Variants in NAA15 observed in about 807,000 individuals in gnomAD.
NAA15 encodes the protein N-alpha-acetyltransferase 15, NatA auxiliary subunit.
In NAA15, 34 loss-of-function variants were observed where a neutral mutation model predicts 114.0. That is an observed-to-expected ratio of 0.30 (90% CI 0.23 to 0.40). The LOEUF (loss-of-function observed/expected upper bound fraction) is 0.40. Among genes scored for constraint, NAA15 ranks in the 10% least tolerant of loss-of-function variants. NAA15 has a pLI of 1.00. For synonymous variants in NAA15, 340 were observed against 338.0 expected (o/e 1.01, Z -0.06); for missense variants, 658 against 1,004.5 (o/e 0.66, Z 4.66).
At chr4:139,334,337 A>C (rs1291660267) in intron 2 of NAA15, 79 bp downstream of exon 2, 5 of 913,504 alleles carry the variant, frequency 5.5e-6, no homozygotes, top group Non-Finnish European at 8.2e-6. Context: ...AGCTGCCTTA[A>C]CTGTTTTCCA....
intron 6 of NAA15, among the ~76,000 whole-genome samples, chr4:139,345,638 A>C (rs1747553733): frequency 6.6e-6 from 1 of 152,286 alleles, no homozygotes; most frequent in African/African-American, 2.4e-5. Context: ...AAAGAGACTG[A>C]GGCCGGGCGC....
chr4:139,338,528 A>C (rs1747274811), intron 3 of NAA15, among the ~76,000 whole-genome samples: 1 of 151,994 alleles, frequency 6.6e-6, no homozygotes, highest in Non-Finnish European at 1.5e-5. Flanking sequence ...GCTCACTGCA[A>C]CCTCTGCCTC....
At chr4:139,358,392 C>T (rs1227879088) in intron 11 of NAA15, among the ~76,000 whole-genome samples, 6 of 151,968 alleles carry the variant, frequency 3.9e-5, no homozygotes, top group Middle Eastern at 3.4e-3. Context: ...GATGGAGTTT[C>T]GCCATGTTGG....
chr4:139,341,135 C>A, intron 4 of NAA15, 66 bp downstream of exon 4: 2 of 1,112,026 alleles, frequency 1.8e-6, no homozygotes, highest in Non-Finnish European at 2.4e-6. Context: ...TGAGTACTTT[C>A]AGATACATAA....
intron 1 of NAA15, among the ~76,000 whole-genome samples, chr4:139,317,101 TCA>T: frequency 6.6e-6 from 1 of 151,998 alleles, no homozygotes; most frequent in East Asian, 1.9e-4. Flanking sequence ...TGGTAAATCC[TCA>T]GTCATATTAC....
Position 139,301,619 on chromosome 4 carries a change from G to A in NAA15, c.-159G>A. ...GAAAAAAGACAACGAGGAAAAAGGA[G>A]GTGTCCGGGTAGGGCAACGCGGCGA... On this transcript the variant is annotated 5_prime_UTR_variant, in exon 1 of 20. Coordinates refer to ENST00000296543, the MANE Select transcript of NAA15 (RefSeq NM_057175.5). 1 of 712,418 alleles carries A rather than the reference G, an allele frequency of 1.4e-6. No individual in the cohort carries two copies. Among genetic ancestry groups the A allele is most frequent in the African/African-American group, 1.8e-5 (1 of 55,110 alleles). The allele number at this position is 712,418 out of a possible 1,614,324, so 44.1% of individuals were successfully genotyped here. A position where few individuals can be genotyped will look rare whatever the true frequency, so the allele number is the denominator to read the frequency against.
At chr4:139,351,366 C>T (rs1180695717) in intron 8 of NAA15, 80 bp downstream of exon 8, 6 of 1,101,118 alleles carry the variant, frequency 5.4e-6, no homozygotes, top group South Asian at 1.4e-5. Context: ...TATGAGTATG[C>T]ATATTAAGTT....
At chr4:139,318,192 G>T (rs1746477021) in intron 1 of NAA15, among the ~76,000 whole-genome samples, 1 of 151,948 alleles carries the variant, frequency 6.6e-6, no homozygotes, top group Admixed American at 6.6e-5. Flanking sequence ...GATCTTTCTT[G>T]TCTTTTTTAT....
At chr4:139,381,832 G>A (rs1459227964) in intron 17 of NAA15, among the ~76,000 whole-genome samples, 4 of 152,084 alleles carry the variant, frequency 2.6e-5, no homozygotes, top group African/African-American at 9.7e-5. Context: ...TAAGCTAATA[G>A]CATGAACCAA....
chr4:139,334,366 A>C, intron 2 of NAA15, 108 bp downstream of exon 2: 1 of 579,138 alleles, frequency 1.7e-6, no homozygotes, highest in Non-Finnish European at 2.9e-6. Context: ...AGACCCTCTC[A>C]TCTTTGACTT....
At position 139,344,074 on chromosome 4, in the gene NAA15, T is replaced by C. The variant is rs945358614; in HGVS notation, c.538-112T>C. The C allele has an allele frequency of 7.7e-6, 7 of 903,434 alleles. No individual in the cohort carries two copies. The Admixed American group carries it at 1.5e-4, about 19-fold the overall frequency. The allele number at this position is 903,434 out of a possible 1,614,324, so 56.0% of individuals were successfully genotyped here. ...CTTAAGAATTTTTTAAAAATTAGTT[T>C]TATCAACCGGATGTTATCCTTTGAC... On this transcript the variant is annotated intron_variant, in intron 5 of 19. Transcript: ENST00000296543.
chr4:139,349,104 G>T (rs376038036), intron 6 of NAA15, among the ~76,000 whole-genome samples: 1 of 152,188 alleles, frequency 6.6e-6, no homozygotes, highest in East Asian at 1.9e-4. Context: ...ATTGAATTGA[G>T]TCATTAATTT....
intron 1 of NAA15, among the ~76,000 whole-genome samples, chr4:139,331,587 C>T (rs1560960539): frequency 6.6e-6 from 1 of 151,284 alleles, no homozygotes; most frequent in Non-Finnish European, 1.5e-5. Context: ...GCTGGGATTA[C>T]AGGCGCCTGC....
At chr4:139,360,185 G>A (rs1328299188) in intron 12 of NAA15, among the ~76,000 whole-genome samples, 4 of 152,016 alleles carry the variant, frequency 2.6e-5, no homozygotes, top group Non-Finnish European at 4.4e-5. Context: ...GCTATGTGGT[G>A]GTGTTCTTTT....
At chr4:139,374,491 T>C (rs1189356829) in intron 15 of NAA15, among the ~76,000 whole-genome samples, 1 of 152,208 alleles carries the variant, frequency 6.6e-6, no homozygotes, top group African/African-American at 2.4e-5. Context: ...GCTGTGGTGA[T>C]TGTCAGTTTG....
intron 1 of NAA15, among the ~76,000 whole-genome samples, chr4:139,325,737 C>T (rs1746778909): frequency 6.6e-6 from 1 of 152,196 alleles, no homozygotes; most frequent in African/African-American, 2.4e-5. Flanking sequence ...CAGCCTTGGA[C>T]TCCTGGGCTC....
At chr4:139,340,101 T>C (rs1747332580) in intron 3 of NAA15, among the ~76,000 whole-genome samples, 1 of 152,122 alleles carries the variant, frequency 6.6e-6, no homozygotes, top group South Asian at 2.1e-4. Context: ...GCAGGTGTAT[T>C]GCTTGGGCTC....
chr4:139,335,884 C>T lies in NAA15; in HGVS notation c.140-964C>T, dbSNP rs574131294. On this transcript the variant is annotated intron_variant, in intron 2 of 19. Transcript: ENST00000296543. The stretch of plus-strand genomic sequence containing the variant: ...AAGCAATTCTTGTGCCTCAGCCTCC[C>T]AACTAGCTGGCATTACAGGTGCCCC... Among the ~76,000 whole-genome samples the T allele has an allele frequency of 3.9e-5, 6 of 151,904 alleles. No individual in the cohort carries two copies. In the South Asian group the frequency reaches 1.3e-3, roughly 32 times the overall value.
rs544705352 is a variant in NAA15, at chr4:139,317,640, C to T, written c.54+15809C>T. On this transcript the variant is annotated intron_variant, in intron 1 of 19. Coordinates refer to ENST00000296543, the MANE Select transcript of NAA15 (RefSeq NM_057175.5). ...TGTCTTGAAAAAACAACAAAACAAACCCAAATTAGAGGATGGCCATTAACC... is the reference window on the plus strand; with the variant it reads ...TGTCTTGAAAAAACAACAAAACAAATCCAAATTAGAGGATGGCCATTAACC... Among the ~76,000 whole-genome samples, 10 of 152,158 alleles carry T rather than the reference C, an allele frequency of 6.6e-5. No homozygotes were observed. In the East Asian group the frequency reaches 1.9e-3, roughly 29 times the overall value.
Sources: allele counts gnomAD v4.1 joint callset (sites outside exome capture counted in the v4.1 genomes callset), GRCh38; gene constraint gnomAD v4.1.1; transcripts MANE v1.5; gene names NCBI Gene and HGNC (gene_info 2026-07-23, HGNC 2026-07-21).